The following DDIAS variants were observed in gnomAD, a reference collection of about 807,000 sequenced individuals.
The protein encoded by DDIAS is DNA damage-induced apoptosis suppressor protein.
Under a neutral mutation model 15.7 loss-of-function variants are expected in DDIAS, and 14 were observed. The observed-to-expected ratio is 0.89, with a 90% CI of 0.59 to 1.39. The LOEUF is 1.39. DDIAS is among the 40% of genes most tolerant of loss of function. DDIAS has a pLI of 0.00. For synonymous variants in DDIAS, 355 were observed against 395.9 expected (o/e 0.90, Z 1.23); for missense variants, 1,035 against 1,130.9 (o/e 0.92, Z 1.22).
intron 3 of DDIAS, among the ~76,000 whole-genome samples, chr11:82,920,420 C>A (rs753393436): frequency 6.6e-6 from 1 of 151,952 alleles, no homozygotes; most frequent in South Asian, 2.1e-4. Flanking sequence ...TGCTGGGTTT[C>A]GGTTTGGTTT....
chr11:82,931,674 G>A (rs1241832950), intron 5 of DDIAS, 58 bp from the exon 6 acceptor site: 2 of 1,470,982 alleles, frequency 1.4e-6, no homozygotes, highest in African/African-American at 2.8e-5. Context: ...TCTGTTTCAT[G>A]TTTAAGTAAA....
chr11:82,929,334 T>C (rs900840036), intron 4 of DDIAS, among the ~76,000 whole-genome samples: 1 of 152,202 alleles, frequency 6.6e-6, no homozygotes, highest in African/African-American at 2.4e-5. Flanking sequence ...AATTTTATTT[T>C]TTATCTGTAT....
chr11:82,914,472 G>C (rs931026385), intron 2 of DDIAS, among the ~76,000 whole-genome samples: 1 of 152,204 alleles, frequency 6.6e-6, no homozygotes, highest in African/African-American at 2.4e-5. Flanking sequence ...TACTGGGATA[G>C]AGCATTTATT....
At chr11:82,914,286 A>T (rs1390872557) in intron 2 of DDIAS, 2 of 198,346 alleles carry the variant, frequency 1.0e-5, no homozygotes, top group South Asian at 1.5e-4. Flanking sequence ...TTAAGTACTT[A>T]TGTGTGGAAT....
intron 3 of DDIAS, among the ~76,000 whole-genome samples, chr11:82,922,223 C>T (rs1429149648): frequency 6.6e-6 from 1 of 152,152 alleles, no homozygotes; most frequent in Non-Finnish European, 1.5e-5. Context: ...TTCCCAGATG[C>T]TCTTTATGCT....
intron 3 of DDIAS, among the ~76,000 whole-genome samples, chr11:82,916,692 T>G (rs943874619): frequency 3.9e-5 from 6 of 152,210 alleles, no homozygotes; most frequent in Admixed American, 3.3e-4. Context: ...TAGTGAGTGT[T>G]TGCTGTACAG....
intron 1 of DDIAS, among the ~76,000 whole-genome samples, chr11:82,904,621 A>T (rs1441098423): frequency 6.6e-6 from 1 of 152,328 alleles, no homozygotes; most frequent in African/African-American, 2.4e-5. Flanking sequence ...CTGGGAACTT[A>T]AAATGCAGAT....
chr11:82,922,936 G>A (rs560773612), intron 3 of DDIAS, among the ~76,000 whole-genome samples: 4 of 152,234 alleles, frequency 2.6e-5, no homozygotes, highest in African/African-American at 2.4e-5. Context: ...CCTATGAGCC[G>A]AGCTGCAGTG....
At chr11:82,903,599 C>T (rs1860370169) in intron 1 of DDIAS, among the ~76,000 whole-genome samples, 1 of 152,158 alleles carries the variant, frequency 6.6e-6, no homozygotes, top group African/African-American at 2.4e-5. Context: ...TTAATTTTCA[C>T]TCTCCTGCCT....
chr11:82,933,218 T>C lies in DDIAS; in HGVS notation c.1880T>C (p.Ile627Thr), dbSNP rs757231869. ...WSKNQDDSFTICRKLTYPLET... is the reference protein window; with the variant it reads ...WSKNQDDSFTTCRKLTYPLET... Reference sequence around the variant, plus strand: ...AAGAACCAAGATGACAGTTTTACAATTTGCAGGAAACTTACATATCCTTTA... The same window carrying C: ...AAGAACCAAGATGACAGTTTTACAACTTGCAGGAAACTTACATATCCTTTA... Residue 627 changes from isoleucine to threonine, a missense_variant, in exon 6 of 6, where the codon ATT becomes ACT. Coordinates refer to ENST00000533655, the MANE Select transcript of DDIAS (RefSeq NM_145018.4). 3 of 1,611,800 alleles carry C rather than the reference T, an allele frequency of 1.9e-6. No homozygotes were observed. In the South Asian group the frequency reaches 3.3e-5, roughly 18 times the overall value.
chr11:82,907,540 C>T (rs114549618), intron 1 of DDIAS, among the ~76,000 whole-genome samples: 1 of 152,192 alleles, frequency 6.6e-6, no homozygotes, highest in East Asian at 1.9e-4. Context: ...TATAGTTCTT[C>T]ATTCATGCAA....
At chr11:82,907,998 A>G (rs2121315884) in intron 1 of DDIAS, among the ~76,000 whole-genome samples, 1 of 152,352 alleles carries the variant, frequency 6.6e-6, no homozygotes, top group South Asian at 2.1e-4. Flanking sequence ...AGACATACAT[A>G]GGATGACTAT....
At position 82,932,091 on chromosome 11, in the gene DDIAS, A is replaced by G. The variant is rs1861001675; in HGVS notation, c.753A>G (p.Gln251=). 1.9e-6 allele frequency: 3 copies of G among 1,614,012 alleles called. No individual in the cohort carries two copies. Among genetic ancestry groups the G allele is most frequent in the South Asian group, 1.1e-5 (1 of 91,080 alleles). ...TTGAATTCACTTGCATTGTTTCACAACTAACAGATAATGATGATTTTTCAG... is the reference window on the plus strand; with the variant it reads ...TTGAATTCACTTGCATTGTTTCACAGCTAACAGATAATGATGATTTTTCAG... ...PSLEFTCIVS[Q]LTDNDDFSAS... The change falls in exon 6 of 6, where the codon CAA becomes CAG. Residue 251 remains glutamine (Q), a synonymous_variant. Transcript: ENST00000533655.
chr11:82,903,310 G>A (rs898114675), intron 1 of DDIAS, among the ~76,000 whole-genome samples: 10 of 152,140 alleles, frequency 6.6e-5, no homozygotes, highest in African/African-American at 2.4e-4. Flanking sequence ...TTCTAAGTAT[G>A]GAAGTAGATT....
At chr11:82,921,968 T>A (rs892779300) in intron 3 of DDIAS, among the ~76,000 whole-genome samples, 3 of 152,224 alleles carry the variant, frequency 2.0e-5, no homozygotes, top group African/African-American at 4.8e-5. Flanking sequence ...TCATATATGA[T>A]GTTTAGTTTC....
chr11:82,908,165 G>C (rs553405346), intron 1 of DDIAS, among the ~76,000 whole-genome samples: 1 of 152,288 alleles, frequency 6.6e-6, no homozygotes, highest in Admixed American at 6.5e-5. Flanking sequence ...AAGACCTAAG[G>C]GAAGAATATC....
chr11:82,931,514 G>C (rs1296966555), intron 5 of DDIAS, among the ~76,000 whole-genome samples: 1 of 151,966 alleles, frequency 6.6e-6, no homozygotes, highest in Non-Finnish European at 1.5e-5. Context: ...ACCATGCCCA[G>C]CTAATTTTTG....
chr11:82,920,996 T>G (rs1269615597), intron 3 of DDIAS, among the ~76,000 whole-genome samples: 1 of 152,214 alleles, frequency 6.6e-6, no homozygotes, highest in East Asian at 1.9e-4. Flanking sequence ...CCACTATTAT[T>G]GTGTTGCTGT....
At chr11:82,904,044 C>T (rs1245735762) in intron 1 of DDIAS, among the ~76,000 whole-genome samples, 1 of 152,220 alleles carries the variant, frequency 6.6e-6, no homozygotes, top group Non-Finnish European at 1.5e-5. Flanking sequence ...TGGTAAGCTA[C>T]TCATCAGAAG....
Sources: gnomAD v4.1 joint callset for allele counts (sites outside exome capture counted in the v4.1 genomes callset) on GRCh38, gnomAD v4.1.1 for gene constraint, MANE v1.5 for transcripts, NCBI Gene and HGNC (gene_info 2026-07-23, HGNC 2026-07-21) for gene names.